The following SENP6 variants were observed in gnomAD, a reference collection of about 807,000 sequenced individuals.
SENP6 encodes the protein sentrin-specific protease 6.
In SENP6, 41 loss-of-function variants were observed where a neutral mutation model predicts 134.5. The observed-to-expected ratio is 0.30, with a 90% CI of 0.24 to 0.40. SENP6 has a LOEUF of 0.40. Among genes scored for constraint, SENP6 ranks in the 10% least tolerant of loss-of-function variants. SENP6 has a pLI of 1.00. For missense variants in SENP6, 1,248 were observed against 1,312.5 expected (o/e 0.95, Z 0.76); for synonymous variants, 395 against 429.8 (o/e 0.92, Z 1.00).
chr6:75,679,672 A>T (rs1053986015), intron 16 of SENP6: 1 of 152,220 alleles, frequency 6.6e-6, no homozygotes. Context: ...TTATGACCCA[A>T]CATAACACAT....
chr6:75,692,491 G>A (rs1019794552), intron 16 of SENP6, among the ~76,000 whole-genome samples: 3 of 152,086 alleles, frequency 2.0e-5, no homozygotes, highest in Non-Finnish European at 2.9e-5. Flanking sequence ...GTTGGGCATG[G>A]TAGTGCAGGC....
intron 6 of SENP6, among the ~76,000 whole-genome samples, chr6:75,641,214 G>A (rs1312154200): frequency 6.6e-6 from 1 of 151,930 alleles, no homozygotes; most frequent in African/African-American, 2.4e-5. Context: ...TTATATAGGT[G>A]GTATTTGAGG....
At chr6:75,613,913 G>A (rs1767653675) in intron 1 of SENP6, among the ~76,000 whole-genome samples, 1 of 152,168 alleles carries the variant, frequency 6.6e-6, no homozygotes, top group African/African-American at 2.4e-5. Flanking sequence ...TTCAGGATCT[G>A]ATACAGAATG....
At position 75,666,732 on chromosome 6, in the gene SENP6, G is replaced by C; in HGVS notation, c.1015G>C (p.Asp339His). The C allele has an allele frequency of 6.4e-7, 1 of 1,568,758 alleles. No homozygotes were observed. Among genetic ancestry groups the C allele is most frequent in the Non-Finnish European group, 8.7e-7 (1 of 1,150,446 alleles). ...TTTAGTCATTTTGTCCAGTGATGATGATGATGACAACGACAGAACTAACAG... is the reference window on the plus strand; with the variant it reads ...TTTAGTCATTTTGTCCAGTGATGATCATGATGACAACGACAGAACTAACAG... ...NDPIILSSDD[D>H]DDNDRTNRRE... The change falls in exon 10 of 24, where the codon GAT becomes CAT. Residue 339 changes from aspartate to histidine, a missense_variant. By Grantham distance (81) the Asp-to-His change is moderately conservative (BLOSUM62 -1). Coordinates refer to ENST00000447266, the MANE Select transcript of SENP6 (RefSeq NM_015571.4).
At chr6:75,697,593 G>A (rs1368560403) in intron 18 of SENP6, 76 bp downstream of exon 18, 12 of 948,236 alleles carry the variant, frequency 1.3e-5, no homozygotes, top group Non-Finnish European at 1.7e-5. Context: ...TGAGTATGAG[G>A]TGAAGAATTC....
At chr6:75,646,044 G>A (rs764948361) in intron 6 of SENP6, among the ~76,000 whole-genome samples, 5 of 152,152 alleles carry the variant, frequency 3.3e-5, no homozygotes, top group Non-Finnish European at 4.4e-5. Flanking sequence ...ATACATGCAT[G>A]TATGATTTAC....
In SENP6 at chr6:75,703,059, C is replaced by T; in HGVS notation, c.2703C>T (p.Ser901=). 2 of 1,605,090 alleles carry T rather than the reference C, an allele frequency of 1.2e-6. No individual in the cohort carries two copies. Among genetic ancestry groups the T allele is most frequent in the Non-Finnish European group, 1.7e-6 (2 of 1,175,762 alleles). Residue 901 remains serine (S), a synonymous_variant, in exon 19 of 24, where the codon TCC becomes TCT. Transcript: ENST00000447266. ...GCCTACAGAATGAAAGTTTAAGTTC[C>T]ACACATCATACAGGTATGTATCTAA... is the stretch of plus-strand genomic sequence containing the variant. ...ENGLQNESLS[S]THHTDGLSKI...
rs190165836 is a variant in SENP6 at position 75,658,614 on chromosome 6, A to T, written c.551-648A>T. Among the ~76,000 whole-genome samples the T allele has an allele frequency of 8.5e-5, 13 of 152,200 alleles. 1 individual carries two copies. In the East Asian group the frequency reaches 2.5e-3, roughly 29 times the overall value. The stretch of plus-strand genomic sequence containing the variant: ...GTAATGAAAATTATTAAATTTACAT[A>T]AAAAATATCGAGAAAAATTCTCTTG... On this transcript the variant is annotated intron_variant, in intron 7 of 23. Transcript: ENST00000447266.
intron 13 of SENP6, chr6:75,676,804 A>G (rs945878815): frequency 7.5e-6 from 3 of 397,866 alleles, no homozygotes; most frequent in African/African-American, 6.1e-5. Flanking sequence ...CTGTTGTTAG[A>G]GTAATGTATT....
chr6:75,630,563 A>G (rs1437730932), intron 3 of SENP6, among the ~76,000 whole-genome samples: 5 of 152,134 alleles, frequency 3.3e-5, no homozygotes, highest in African/African-American at 1.2e-4. Context: ...TCAGGTCCAT[A>G]TGGATCATTG....
chr6:75,717,703 G>GT lies in SENP6; in HGVS notation c.*2111dup, dbSNP rs1253529608. 1 of 152,090 alleles carries GT rather than the reference G, an allele frequency of 6.6e-6. No individual in the cohort carries two copies. The highest frequency in any genetic ancestry group is 1.5e-5 in the Non-Finnish European group (1 of 67,974). The allele number at this position is 152,090 out of a possible 1,614,324, so 9.4% of individuals were successfully genotyped here. A position where few individuals can be genotyped will look rare whatever the true frequency, so the allele number is the denominator to read the frequency against. ...AGTGGGATCAAGCCTTTTAAAATGTGTTATTAGTACTTAGAAGTTGTAAAA... is the reference window on the plus strand; with the variant it reads ...AGTGGGATCAAGCCTTTTAAAATGTGTTTATTAGTACTTAGAAGTTGTAAAA... On this transcript the variant is annotated 3_prime_UTR_variant, in exon 24 of 24. Transcript: ENST00000447266.
At chr6:75,611,978 G>A (rs1362454044) in intron 1 of SENP6, 1 of 152,198 alleles carries the variant, frequency 6.6e-6, no homozygotes, top group African/African-American at 2.4e-5. Context: ...CAGAAATATA[G>A]TATTTAAAGA....
At chr6:75,714,404 A>C (rs569127203) in intron 23 of SENP6, among the ~76,000 whole-genome samples, 1 of 152,132 alleles carries the variant, frequency 6.6e-6, no homozygotes, top group African/African-American at 2.4e-5. Flanking sequence ...GTAGATGACC[A>C]CTAGGTTCTG....
chr6:75,675,193 A>AG (rs2149877186), intron 11 of SENP6, among the ~76,000 whole-genome samples: 1 of 152,240 alleles, frequency 6.6e-6, no homozygotes, highest in South Asian at 2.1e-4. Context: ...AGTTAAAAAA[A>AG]GAAAAAAAAA....
At chr6:75,702,590 AAATAT>A in intron 18 of SENP6, 50 bp from the exon 19 acceptor site, 3 of 1,440,388 alleles carry the variant, frequency 2.1e-6, no homozygotes, top group South Asian at 2.9e-5. Flanking sequence ...ATGTATTGCC[AAATAT>A]AATAAACTTT....
chr6:75,715,333 A>G lies in SENP6; in HGVS notation c.3130-52A>G, dbSNP rs867140119. The G allele has an allele frequency of 2.0e-5, 26 of 1,304,866 alleles. No homozygotes were observed. In the South Asian group the frequency reaches 2.0e-4, roughly 10 times the overall value. The allele number at this position is 1,304,866 out of a possible 1,614,324, so 80.8% of individuals were successfully genotyped here. A position where few individuals can be genotyped will look rare whatever the true frequency, so the allele number is the denominator to read the frequency against. On this transcript the variant is annotated intron_variant, in intron 23 of 23. Transcript: ENST00000447266. The stretch of plus-strand genomic sequence containing the variant: ...ACTTCGGAATGTTTCTGTGATTGAA[A>G]TGAAAGGTTATTTATTACAGTTTTC...
rs1018692015 is a variant in SENP6 at position 75,717,058 on chromosome 6, T to C, written c.*1464T>C. 1 of 151,992 alleles carries C rather than the reference T, an allele frequency of 6.6e-6. No homozygotes were observed. Among genetic ancestry groups the C allele is most frequent in the Non-Finnish European group, 1.5e-5 (1 of 67,866 alleles). 9.4% of individuals were successfully genotyped at this position (151,992 alleles called of 1,614,324 possible). A position where few individuals can be genotyped will look rare whatever the true frequency, so the allele number is the denominator to read the frequency against. On this transcript the variant is annotated 3_prime_UTR_variant, in exon 24 of 24. Coordinates refer to ENST00000447266, the MANE Select transcript of SENP6 (RefSeq NM_015571.4). ...TCACCATTAGTGATATCAACTGTAG[T>C]TTGTTACTTTGAACTATATTTCTGA... is the stretch of plus-strand genomic sequence containing the variant.
chr6:75,690,715 T>C (rs1774178897), intron 16 of SENP6, among the ~76,000 whole-genome samples: 1 of 147,822 alleles, frequency 6.8e-6, no homozygotes, highest in Non-Finnish European at 1.5e-5. Flanking sequence ...TTTTTTGAGA[T>C]GAGAGTCTCG....
chr6:75,662,046 C>T (rs982899453), intron 8 of SENP6, among the ~76,000 whole-genome samples: 1 of 151,840 alleles, frequency 6.6e-6, no homozygotes, highest in Non-Finnish European at 1.5e-5. Context: ...GAGTGAATCT[C>T]CTTCTCAAAA....
Sources: allele counts gnomAD v4.1 joint callset (sites outside exome capture counted in the v4.1 genomes callset), GRCh38; gene constraint gnomAD v4.1.1; transcripts MANE v1.5; gene names NCBI Gene and HGNC (gene_info 2026-07-23, HGNC 2026-07-21).